PPIP5K2: variants seen among roughly 807,000 people sequenced by gnomAD.
PPIP5K2 encodes the protein inositol hexakisphosphate and diphosphoinositol-pentakisphosphate kinase 2.
PPIP5K2 carries 105 observed loss-of-function variants against 154.6 expected under a neutral mutation model. The ratio of observed to expected loss-of-function variants is 0.68; its 90% CI spans 0.58 to 0.80. The LOEUF (loss-of-function observed/expected upper bound fraction) is 0.80, where lower values mean the gene tolerates loss of function less well. PPIP5K2 is among the 30% of genes least tolerant of loss of function. PPIP5K2 has a pLI of 0.00. For synonymous variants in PPIP5K2, 480 were observed against 490.3 expected, an observed-to-expected ratio of 0.98 and a Z score of 0.28; for missense variants, 992 against 1,504.6, an observed-to-expected ratio of 0.66 and a Z score of 5.64.
intron 5 of PPIP5K2, among the ~76,000 whole-genome samples, chr5:103,142,928 A>G (rs1793091977): frequency 6.6e-6 from 1 of 152,242 alleles, no homozygotes; most frequent in African/African-American, 2.4e-5. Flanking sequence ...CAAACCTGTC[A>G]GAAATAATAA....
At chr5:103,128,531 C>T (rs1790097619) in intron 1 of PPIP5K2, among the ~76,000 whole-genome samples, 1 of 152,084 alleles carries the variant, frequency 6.6e-6, no homozygotes, top group Non-Finnish European at 1.5e-5. Flanking sequence ...CTTAGCCTCC[C>T]AAGTAGCTGG....
At chr5:103,151,404 TTCATATACTAG>T in intron 9 of PPIP5K2, 30 bp downstream of exon 9, 1 of 1,521,440 alleles carries the variant, frequency 6.6e-7, no homozygotes, top group Non-Finnish European at 9.0e-7. Flanking sequence ...TCTTTTTACC[TTCATATACTAG>T]TTATTCAGAA....
At chr5:103,135,802 C>T (rs1791385046) in intron 3 of PPIP5K2, among the ~76,000 whole-genome samples, 1 of 152,066 alleles carries the variant, frequency 6.6e-6, no homozygotes, top group Non-Finnish European at 1.5e-5. Context: ...CTGTTCTTCA[C>T]TATATCTACT....
chr5:103,181,528 C>A (rs146340214), intron 24 of PPIP5K2, among the ~76,000 whole-genome samples: 76 of 151,900 alleles, frequency 5.0e-4, no homozygotes, highest in African/African-American at 1.8e-3. Flanking sequence ...AGACCACCCC[C>A]CTGACTGCAC....
intron 1 of PPIP5K2, among the ~76,000 whole-genome samples, chr5:103,127,019 A>G (rs986821904): frequency 6.6e-6 from 1 of 152,182 alleles, no homozygotes; most frequent in African/African-American, 2.4e-5. Context: ...CCATTGTGTC[A>G]TGGACTTATT....
rs529787769 is a variant in PPIP5K2, at chr5:103,205,749, G to C, written c.*4115G>C. On this transcript the variant is annotated 3_prime_UTR_variant, in exon 31 of 31. Coordinates refer to ENST00000358359, the MANE Select transcript of PPIP5K2 (RefSeq NM_001276277.3). The stretch of plus-strand genomic sequence containing the variant: ...GGTGCATATAAATTCATGAATGCTA[G>C]ATTTTCATTATAGGTTTTACCTTAT... 5.9e-4 allele frequency: 90 copies of C among 152,208 alleles called. 1 individual carries two copies. The highest frequency in any genetic ancestry group is 2.1e-3 in the African/African-American group (88 of 41,546). 9.4% of individuals were successfully genotyped at this position (152,208 alleles called of 1,614,324 possible).
chr5:103,128,123 G>A (rs1790020032), intron 1 of PPIP5K2, among the ~76,000 whole-genome samples: 1 of 152,076 alleles, frequency 6.6e-6, no homozygotes, highest in Non-Finnish European at 1.5e-5. Context: ...TGATTTTAAT[G>A]TCTACTGGGG....
At chr5:103,144,491 A>G (rs782688903) in intron 5 of PPIP5K2, among the ~76,000 whole-genome samples, 1 of 152,218 alleles carries the variant, frequency 6.6e-6, no homozygotes, top group Non-Finnish European at 1.5e-5. Context: ...CAAAAACAAC[A>G]AAACTGGAGG....
At chr5:103,126,853 C>G (rs776330190) in intron 1 of PPIP5K2, among the ~76,000 whole-genome samples, 1 of 151,466 alleles carries the variant, frequency 6.6e-6, no homozygotes, top group Non-Finnish European at 1.5e-5. Context: ...AACACTGACT[C>G]AAATGTTTAT....
intron 11 of PPIP5K2, 76 bp downstream of exon 11, chr5:103,154,010 T>A: frequency 9.2e-7 from 1 of 1,083,590 alleles, no homozygotes; most frequent in Non-Finnish European, 1.3e-6. Context: ...CTCTTTTGAT[T>A]AATACATCAT....
At chr5:103,155,773 T>C in intron 13 of PPIP5K2, 136 bp from the exon 14 acceptor site, 1 of 686,678 alleles carries the variant, frequency 1.5e-6, no homozygotes. Flanking sequence ...GTTAGAATGA[T>C]TATATATGGT....
chr5:103,148,034 T>C lies in PPIP5K2; in HGVS notation c.744+2T>C, dbSNP rs782639785. 6.5e-7 allele frequency: 1 copy of C among 1,535,012 alleles called. No homozygotes were observed. On this transcript the variant is annotated splice_donor_variant, in intron 7 of 30. Coordinates refer to ENST00000358359, the MANE Select transcript of PPIP5K2 (RefSeq NM_001276277.3). LOFTEE classifies it high-confidence loss of function. ...CCCACAGATGGTACTGATGTTAAGG[T>C]AGGATTGATTAAAATAGATTTTAGT...
At chr5:103,171,779 G>A (rs112381415) in intron 19 of PPIP5K2, among the ~76,000 whole-genome samples, 19 of 151,548 alleles carry the variant, frequency 1.3e-4, no homozygotes, top group African/African-American at 3.9e-4. Flanking sequence ...CCATAAATGC[G>A]TATATATAGC....
chr5:103,156,077 G>A, intron 14 of PPIP5K2, 83 bp downstream of exon 14: 2 of 932,392 alleles, frequency 2.1e-6, no homozygotes, highest in Non-Finnish European at 3.4e-6. Flanking sequence ...ACCATCTTTT[G>A]CTTAGTAGTT....
chr5:103,175,219 T>C (rs34766), intron 21 of PPIP5K2, among the ~76,000 whole-genome samples: 36,923 of 152,026 alleles, frequency 0.24, 5,164 homozygotes, highest in East Asian at 0.45. Flanking sequence ...TCAATCTTAT[T>C]ACTGGTCCTT....
At chr5:103,121,951 C>G (rs1025192198) in intron 1 of PPIP5K2, among the ~76,000 whole-genome samples, 4 of 152,124 alleles carry the variant, frequency 2.6e-5, no homozygotes, top group Non-Finnish European at 4.4e-5. Context: ...ATGTTATGGA[C>G]TATTAATTTT....
chr5:103,154,480 G>C (rs1233373250), intron 11 of PPIP5K2, among the ~76,000 whole-genome samples, 190 bp from the exon 12 acceptor site: 1 of 151,962 alleles, frequency 6.6e-6, no homozygotes, highest in African/African-American at 2.4e-5. Flanking sequence ...GTATCATTTA[G>C]GAAAGTACTA....
intron 5 of PPIP5K2, among the ~76,000 whole-genome samples, chr5:103,141,665 ACCAGAGCAG>A (rs1476647333): frequency 6.6e-6 from 1 of 152,180 alleles, no homozygotes; most frequent in Non-Finnish European, 1.5e-5. Flanking sequence ...CCAAGGCCCC[ACCAGAGCAG>A]CTAGATGCAG....
In PPIP5K2 at chr5:103,187,892, A is replaced by G. The variant is rs139169909; in HGVS notation, c.3352+516A>G. Among the ~76,000 whole-genome samples the G allele has an allele frequency of 1.7e-3, 255 of 152,188 alleles. 2 individuals carry two copies. The highest frequency in any genetic ancestry group is 5.9e-3 in the African/African-American group (245 of 41,530). On this transcript the variant is annotated intron_variant, in intron 28 of 30. Coordinates refer to ENST00000358359, the MANE Select transcript of PPIP5K2 (RefSeq NM_001276277.3). ...TGTATAACATCGTCTGTTCCTGGCT[A>G]TTTTTCTAAAGCAAAACCCTGTTCG... is the stretch of plus-strand genomic sequence containing the variant.
Sources: allele counts gnomAD v4.1 joint callset (sites outside exome capture counted in the v4.1 genomes callset), GRCh38; gene constraint gnomAD v4.1.1; transcripts MANE v1.5; gene names NCBI Gene and HGNC (gene_info 2026-07-23, HGNC 2026-07-21).